The following NARS2 variants were observed in gnomAD, a reference collection of about 807,000 sequenced individuals.
The protein encoded by NARS2 is asparaginyl-tRNA synthetase 2, mitochondrial.
A neutral mutation model predicts 62.9 loss-of-function variants in NARS2; 60 were observed. The ratio of observed to expected loss-of-function variants is 0.95; its 90% CI spans 0.77 to 1.18. The LOEUF is 1.18. NARS2 is among the 50% of genes most tolerant of loss of function. The pLI, the probability that NARS2 is intolerant of heterozygous loss-of-function variation, is 0.00. For synonymous variants in NARS2, 196 were observed against 200.0 expected, an observed-to-expected ratio of 0.98 and a Z score of 0.17; for missense variants, 619 against 576.4, an observed-to-expected ratio of 1.07 and a Z score of -0.76.
At chr11:78,504,958 A>C (rs1860431076) in intron 6 of NARS2, among the ~76,000 whole-genome samples, 1 of 152,062 alleles carries the variant, frequency 6.6e-6, no homozygotes, top group Admixed American at 6.5e-5. Context: ...ACTGCACTTA[A>C]GGTTGTTAGT....
At chr11:78,509,826 CAAA>C (rs71046976) in intron 6 of NARS2, among the ~76,000 whole-genome samples, 5 of 116,730 alleles carry the variant, frequency 4.3e-5, no homozygotes, top group East Asian at 2.5e-4. Context: ...GACTCTGTCT[CAAA>C]AAAAAAAAAA....
At chr11:78,552,241 C>T (rs991269939) in intron 5 of NARS2, among the ~76,000 whole-genome samples, 2 of 152,128 alleles carry the variant, frequency 1.3e-5, no homozygotes, top group African/African-American at 2.4e-5. Flanking sequence ...TGAGAACATG[C>T]GGTATTTAGT....
intron 6 of NARS2, among the ~76,000 whole-genome samples, chr11:78,493,636 C>T (rs1049770617): frequency 2.8e-5 from 4 of 144,004 alleles, no homozygotes; most frequent in South Asian, 2.1e-4. Flanking sequence ...CTGGCCTGGG[C>T]GAGAGTGAGA....
intron 6 of NARS2, among the ~76,000 whole-genome samples, chr11:78,523,507 T>C (rs1394012674): frequency 1.3e-5 from 2 of 151,974 alleles, no homozygotes; most frequent in East Asian, 3.9e-4. Context: ...CACAAAAACT[T>C]CCACCCAAAT....
chr11:78,557,540 C>G (rs1365691225), intron 5 of NARS2, among the ~76,000 whole-genome samples: 1 of 152,170 alleles, frequency 6.6e-6, no homozygotes, highest in Non-Finnish European at 1.5e-5. Flanking sequence ...TAGCACAGAT[C>G]AGCTGAAACC....
intron 7 of NARS2, among the ~76,000 whole-genome samples, chr11:78,483,946 A>T (rs1479099408): frequency 6.6e-6 from 1 of 152,186 alleles, no homozygotes; most frequent in Non-Finnish European, 1.5e-5. Context: ...ATCCTAAGCA[A>T]AAAGAACAAA....
intron 11 of NARS2, among the ~76,000 whole-genome samples, chr11:78,458,799 G>T (rs1477319548): frequency 6.6e-6 from 1 of 152,182 alleles, no homozygotes; most frequent in East Asian, 1.9e-4. Context: ...ATCTCATCTT[G>T]AATTGTACTT....
chr11:78,556,216 A>G (rs1445064044), intron 5 of NARS2, among the ~76,000 whole-genome samples: 1 of 152,198 alleles, frequency 6.6e-6, no homozygotes, highest in Non-Finnish European at 1.5e-5. Flanking sequence ...ATTCTCCCTA[A>G]GGTACAGTCA....
chr11:78,444,727 C>CAAAAAAAAAA (rs1391489970), intron 11 of NARS2, among the ~76,000 whole-genome samples: 2 of 92,416 alleles, frequency 2.2e-5, no homozygotes, highest in African/African-American at 3.6e-5. Context: ...TCAAACAAAA[C>CAAAAAAAAAA]AAAAAAAAAA....
At chr11:78,546,418 G>A (rs1164182390) in intron 5 of NARS2, 1 of 152,250 alleles carries the variant, frequency 6.6e-6, no homozygotes. Context: ...GAGGACAACA[G>A]AAAGATGTGG....
intron 9 of NARS2, among the ~76,000 whole-genome samples, chr11:78,470,694 A>G (rs546561791): frequency 1.3e-5 from 2 of 152,284 alleles, no homozygotes; most frequent in African/African-American, 2.4e-5. Context: ...TTAATATTAC[A>G]AAGTTATTAT....
At chr11:78,438,075 C>T (rs1857466004) in intron 13 of NARS2, among the ~76,000 whole-genome samples, 1 of 151,450 alleles carries the variant, frequency 6.6e-6, no homozygotes, top group African/African-American at 2.4e-5. Context: ...AAGACGTAAG[C>T]AACATAACTT....
chr11:78,452,059 C>T (rs1857988590), intron 11 of NARS2, among the ~76,000 whole-genome samples: 1 of 152,112 alleles, frequency 6.6e-6, no homozygotes, highest in African/African-American at 2.4e-5. Context: ...TGACCAAACA[C>T]ATACTTATTT....
At chr11:78,444,727 C>CAAAGAAAAA (rs56788561) in intron 11 of NARS2, among the ~76,000 whole-genome samples, 20,141 of 91,568 alleles carry the variant, frequency 0.22, 1,954 homozygotes, top group East Asian at 0.44. Flanking sequence ...TCAAACAAAA[C>CAAAGAAAAA]AAAAAAAAAA....
At chr11:78,455,495 T>A (rs142296140) in intron 11 of NARS2, among the ~76,000 whole-genome samples, 53 of 152,180 alleles carry the variant, frequency 3.5e-4, no homozygotes, top group African/African-American at 1.2e-3. Flanking sequence ...AACTGAACAA[T>A]AGCAGTACCC....
At chr11:78,520,265 C>T (rs1861066598) in intron 6 of NARS2, among the ~76,000 whole-genome samples, 1 of 152,074 alleles carries the variant, frequency 6.6e-6, no homozygotes, top group Non-Finnish European at 1.5e-5. Context: ...CCTTCCTTGC[C>T]TCTTCCTAGT....
chr11:78,519,585 T>A (rs924736220), intron 6 of NARS2, among the ~76,000 whole-genome samples: 1 of 152,188 alleles, frequency 6.6e-6, no homozygotes, highest in East Asian at 1.9e-4. Flanking sequence ...AACAGCATGA[T>A]GTAAAGACTT....
chr11:78,468,309 T>C (rs557472767), intron 10 of NARS2, among the ~76,000 whole-genome samples: 1 of 46,836 alleles, frequency 2.1e-5, no homozygotes, highest in East Asian at 7.9e-4. Context: ...GCACTAAATC[T>C]GAAAAAAAAA....
At chr11:78,521,507 G>A (rs1014613491) in intron 6 of NARS2, among the ~76,000 whole-genome samples, 7 of 152,010 alleles carry the variant, frequency 4.6e-5, no homozygotes, top group Non-Finnish European at 7.4e-5. Context: ...AGAAAAGCCC[G>A]GGGCCGGGCG....
Sources: allele counts gnomAD v4.1 joint callset (sites outside exome capture counted in the v4.1 genomes callset), GRCh38; gene constraint gnomAD v4.1.1; transcripts MANE v1.5; gene names NCBI Gene and HGNC (gene_info 2026-07-23, HGNC 2026-07-21).